DNHD1: variants seen among roughly 807,000 people sequenced by gnomAD.
DNHD1 encodes dynein heavy chain domain 1.
A neutral mutation model predicts 458.1 loss-of-function variants in DNHD1; 383 were observed. The ratio of observed to expected loss-of-function variants is 0.84; its 90% CI spans 0.77 to 0.91. The LOEUF (loss-of-function observed/expected upper bound fraction) is 0.91, where lower values mean the gene tolerates loss of function less well. DNHD1 is among the 40% of genes least tolerant of loss of function. The probability of loss-of-function intolerance (pLI) is 0.00; values close to 1 mark genes in which losing one functional copy is unlikely to be tolerated. For missense variants in DNHD1, 5,336 were observed against 5,866.1 expected (o/e 0.91, Z 2.95); for synonymous variants, 2,203 against 2,376.9 (o/e 0.93, Z 2.13).
chr11:6,522,747 C>A (rs1391059511), intron 10 of DNHD1, among the ~76,000 whole-genome samples: 3 of 152,044 alleles, frequency 2.0e-5, no homozygotes, highest in African/African-American at 7.2e-5. Context: ...ATTTGTATGG[C>A]CTTTTAACTA....
rs145132025 is a variant in DNHD1, at chr11:6,542,593, C to T, written c.3629-1528C>T. ...GTACCAGGCTTTCTTTTCCTGTTAA[C>T]TCCGGGCATGTTAACCAAGGACCAC... On this transcript the variant is annotated intron_variant, in intron 18 of 42. Coordinates refer to ENST00000254579, the MANE Select transcript of DNHD1 (RefSeq NM_144666.3). Among the ~76,000 whole-genome samples the T allele has an allele frequency of 6.9e-3, 1,058 of 152,298 alleles. 5 individuals carry two copies. Among genetic ancestry groups the T allele is most frequent in the Middle Eastern group, 0.01 (3 of 294 alleles).
chr11:6,564,240 C>T (rs1853646665), intron 31 of DNHD1, 93 bp from the exon 32 acceptor site: 11 of 1,448,670 alleles, frequency 7.6e-6, no homozygotes, highest in Non-Finnish European at 9.3e-6. Context: ...GCCGTACTTT[C>T]CTCCACACCC....
rs951134733 is a variant in DNHD1 at position 6,558,660 on chromosome 11, C to G, written c.9178C>G (p.Leu3060Val). The G allele has an allele frequency of 1.3e-6, 2 of 1,551,228 alleles. No individual in the cohort carries two copies. The highest frequency in any genetic ancestry group is 1.7e-6 in the Non-Finnish European group (2 of 1,147,002). The change falls in exon 26 of 43, where the codon CTG becomes GTG. Residue 3060 changes from leucine to valine, a missense_variant. Coordinates refer to ENST00000254579, the MANE Select transcript of DNHD1 (RefSeq NM_144666.3). ...AALAKVAQHH[L>V]EGAQSVPLDD... ...CCTGGCCAAGGTGGCCCAGCATCAC[C>G]TGGAGGGTGCTCAGAGTGTGCCCCT...
At chr11:6,570,170 T>C (rs763855478) in intron 40 of DNHD1, 70 bp downstream of exon 40, 280 of 1,599,668 alleles carry the variant, frequency 1.8e-4, no homozygotes, top group Non-Finnish European at 2.2e-4. Context: ...GGGGGTGGGA[T>C]ACAATTCACA....
In DNHD1 at chr11:6,563,440, T is replaced by C. The variant is rs746738662; in HGVS notation, c.9728T>C (p.Ile3243Thr). Residue 3243 changes from isoleucine (I) to threonine (T), a missense_variant, in exon 30 of 43, where the codon ATA (isoleucine) becomes ACA (threonine). Ile to Thr is a moderately conservative substitution (Grantham distance 89). This residue lies in a region of DNHD1 where 3,932 missense variants were observed against 4,365.6 expected (regional missense o/e 0.90). Coordinates refer to ENST00000254579, the MANE Select transcript of DNHD1 (RefSeq NM_144666.3). ...CTGCAGGTGGCTGACTTTGAGGAGATACGGAGCTATCGAGCACCACCAGAA... is the reference window on the plus strand; with the variant it reads ...CTGCAGGTGGCTGACTTTGAGGAGACACGGAGCTATCGAGCACCACCAGAA... Reference protein sequence around the residue: ...SQLQVADFEEIRSYRAPPESV... With the variant: ...SQLQVADFEETRSYRAPPESV... 2 of 1,551,672 alleles carry C rather than the reference T, an allele frequency of 1.3e-6. No individual in the cohort carries two copies. Among genetic ancestry groups the C allele is most frequent in the South Asian group, 2.4e-5 (2 of 84,058 alleles).
chr11:6,538,902 A>C, intron 16 of DNHD1, 92 bp downstream of exon 16: 1 of 1,274,112 alleles, frequency 7.8e-7, no homozygotes, highest in African/African-American at 1.5e-5. Flanking sequence ...CCTGCTGGAA[A>C]CACCTTTCAT....
Position 6,557,980 on chromosome 11 carries a change from TG to T in DNHD1, c.8688del (p.Arg2897AlafsTer41). 6.4e-7 allele frequency: 1 copy of T among 1,551,660 alleles called. No individual in the cohort carries two copies. Among genetic ancestry groups the T allele is most frequent in the Non-Finnish European group, 8.7e-7 (1 of 1,146,996 alleles). Reference sequence around the variant, plus strand: ...TGCTGCTCTCGGGGGCTCTGGGTACTGGGCGCCACACTGCCATCACTCTGGC... The same window carrying T: ...TGCTGCTCTCGGGGGCTCTGGGTACTGGCGCCACACTGCCATCACTCTGGC... Reference protein sequence around the residue: ...GLLLSGALGTGRHTAITLASS... With the variant: ...GLLLSGALGTXRHTAITLASS... On this transcript the variant is annotated frameshift_variant, in exon 25 of 43. Transcript: ENST00000254579. LOFTEE classifies it high-confidence loss of function.
In DNHD1 at chr11:6,548,287, C is replaced by A; in HGVS notation, c.6983C>A (p.Ala2328Asp). Residue 2328 changes from alanine (A) to aspartate (D), a missense_variant, in exon 23 of 43, where the codon GCC (alanine) becomes GAC (aspartate). By Grantham distance (126) the Ala-to-Asp change is moderately radical. Coordinates refer to ENST00000254579, the MANE Select transcript of DNHD1 (RefSeq NM_144666.3). The surrounding 1 kb of genome is among the most constrained non-coding windows in gnomAD (Gnocchi z 4.4). ...AACTACCCTGAGCCACCACCCTCAGCCTTGGTGTTTGATCTACATGTAAGC... is the reference window on the plus strand; with the variant it reads ...AACTACCCTGAGCCACCACCCTCAGACTTGGTGTTTGATCTACATGTAAGC... ...LSNYPEPPPSALVFDLHVSPE... is the reference protein window; with the variant it reads ...LSNYPEPPPSDLVFDLHVSPE... 1 of 1,551,718 alleles carries A rather than the reference C, an allele frequency of 6.4e-7. No homozygotes were observed. Among genetic ancestry groups the A allele is most frequent in the South Asian group, 1.2e-5 (1 of 84,064 alleles).
Position 6,557,973 on chromosome 11 carries a change from T to C in DNHD1, c.8678T>C (p.Leu2893Pro). The C allele has an allele frequency of 6.4e-7, 1 of 1,551,654 alleles. No individual in the cohort carries two copies. The highest frequency in any genetic ancestry group is 8.7e-7 in the Non-Finnish European group (1 of 1,146,992). ...CATGGCCTGCTGCTCTCGGGGGCTC[T>C]GGGTACTGGGCGCCACACTGCCATC... Reference protein sequence around the residue: ...RQHGLLLSGALGTGRHTAITL... With the variant: ...RQHGLLLSGAPGTGRHTAITL... The change falls in exon 25 of 43, where the codon CTG (leucine) becomes CCG (proline). Residue 2893 changes from leucine to proline, a missense_variant. Leu to Pro is a moderately conservative substitution (Grantham distance 98). This residue lies in a region of DNHD1 where 3,932 missense variants were observed against 4,365.6 expected (regional missense o/e 0.90). Transcript: ENST00000254579.
chr11:6,567,178 A>C lies in DNHD1; in HGVS notation c.11669A>C (p.Asp3890Ala), dbSNP rs375106372. 114 of 1,613,894 alleles carry C rather than the reference A, an allele frequency of 7.1e-5. No individual in the cohort carries two copies. The highest frequency in any genetic ancestry group is 8.9e-5 in the Non-Finnish European group (105 of 1,179,884). ...CTGGCAGTCACTAAGCAGGCTCTGG[A>C]CAGCATGAAGCCACGTGAGATTAAT... Reference protein sequence around the residue: ...NWLAVTKQALDSMKPREINHG... With the variant: ...NWLAVTKQALASMKPREINHG... Residue 3890 changes from aspartate to alanine, a missense_variant, in exon 36 of 43, where the codon GAC becomes GCC. By Grantham distance (126) the Asp-to-Ala change is moderately radical. This residue lies in a region of DNHD1 where 695 missense variants were observed against 804.2 expected (regional missense o/e 0.86). Transcript: ENST00000254579.
chr11:6,568,287 T>C (rs371834082), intron 37 of DNHD1, 45 bp downstream of exon 37: 15 of 1,528,756 alleles, frequency 9.8e-6, no homozygotes, highest in African/African-American at 1.4e-5. Context: ...TATCCTACAC[T>C]TGGGCCTTAG....
Position 6,571,562 on chromosome 11 carries a change from C to T in DNHD1, c.13912-74C>T, listed in dbSNP as rs1053880280. 1.4e-6 allele frequency: 2 copies of T among 1,463,310 alleles called. No individual in the cohort carries two copies. Among genetic ancestry groups the T allele is most frequent in the South Asian group, 2.8e-5 (2 of 71,620 alleles). 90.6% of individuals were successfully genotyped at this position (1,463,310 alleles called of 1,614,324 possible). On this transcript the variant is annotated intron_variant, in intron 42 of 42. Coordinates refer to ENST00000254579, the MANE Select transcript of DNHD1 (RefSeq NM_144666.3). This position sits in a 1 kb window ranked among gnomAD's most constrained non-coding sequence, Gnocchi z 5.0. The stretch of plus-strand genomic sequence containing the variant: ...GATCTCGCTTCACCACGACCTCCTA[C>T]CCGCTAACCCCCACTTCCCACCTGC...
Position 6,540,025 on chromosome 11 carries a change from G to A in DNHD1, c.3570G>A (p.Val1190=), listed in dbSNP as rs1247471264. 2.4e-5 allele frequency: 37 copies of A among 1,551,578 alleles called. No homozygotes were observed. In the East Asian group the frequency reaches 8.8e-4, roughly 37 times the overall value. The stretch of plus-strand genomic sequence containing the variant: ...CCTCAGAGCGCTCCAAGAGGCAGGT[G>A]CTCCGCAGCCCCCAATGGGAGGTAG... ...PPASERSKRQ[V]LRSPQWEVVD... is the part of the protein sequence containing the mutation. Residue 1190 remains valine, a synonymous_variant, in exon 18 of 43, where the codon GTG becomes GTA. Coordinates refer to ENST00000254579, the MANE Select transcript of DNHD1 (RefSeq NM_144666.3).
intron 28 of DNHD1, among the ~76,000 whole-genome samples, chr11:6,562,620 T>G (rs1187209846): frequency 6.6e-6 from 1 of 152,048 alleles, no homozygotes; most frequent in Non-Finnish European, 1.5e-5. Context: ...GAGAACACAG[T>G]ATCATGAAGG....
Position 6,548,368 on chromosome 11 carries a change from A to G in DNHD1, c.7064A>G (p.Lys2355Arg). 3.2e-6 allele frequency: 5 copies of G among 1,551,694 alleles called. No individual in the cohort carries two copies. Among genetic ancestry groups the G allele is most frequent in the Non-Finnish European group, 3.5e-6 (4 of 1,146,988 alleles). ...FTGQYLSSHI[K>R]GTLGTFHPSI... is the part of the protein sequence containing the mutation. ...GGCCAATACCTGAGCAGCCACATCA[A>G]AGGAACTTTGGGCACCTTTCACCCT... Residue 2355 changes from lysine to arginine, a missense_variant, in exon 23 of 43, where the codon AAA becomes AGA. By Grantham distance (26) the Lys-to-Arg change is conservative (BLOSUM62 2). This residue lies in a region of DNHD1 where 3,932 missense variants were observed against 4,365.6 expected (regional missense o/e 0.90). Transcript: ENST00000254579. This position sits in a 1 kb window ranked among gnomAD's most constrained non-coding sequence, Gnocchi z 4.4.
chr11:6,557,174 T>C lies in DNHD1; in HGVS notation c.7879T>C (p.Ser2627Pro). 6.4e-7 allele frequency: 1 copy of C among 1,551,704 alleles called. No individual in the cohort carries two copies. The highest frequency in any genetic ancestry group is 1.4e-5 in the African/African-American group (1 of 73,150). The change falls in exon 25 of 43, where the codon TCA (serine) becomes CCA (proline). Residue 2627 changes from serine (S) to proline (P), a missense_variant. By Grantham distance (74) the Ser-to-Pro change is moderately conservative. Transcript: ENST00000254579. ...PNHQEHLRRV[S>P]GLRGTCLTVM... ...CCACCAGGAGCACTTGCGCCGGGTG[T>C]CAGGCCTGCGAGGCACTTGTCTGAC... is the stretch of plus-strand genomic sequence containing the variant.
chr11:6,550,537 C>A (rs766025208), intron 24 of DNHD1, among the ~76,000 whole-genome samples: 39 of 152,022 alleles, frequency 2.6e-4, no homozygotes, highest in Non-Finnish European at 4.6e-4. Flanking sequence ...CCAACAAAAA[C>A]CCCCAGAAAA....
At chr11:6,523,479 C>T (rs766497539) in intron 10 of DNHD1, among the ~76,000 whole-genome samples, 1 of 152,020 alleles carries the variant, frequency 6.6e-6, no homozygotes, top group Non-Finnish European at 1.5e-5. Context: ...TAACAAGAAG[C>T]TTTGCTCTGT....
At chr11:6,566,173 C>G (rs952697671) in intron 33 of DNHD1, 68 bp from the exon 34 acceptor site, 5 of 1,528,600 alleles carry the variant, frequency 3.3e-6, no homozygotes, top group Middle Eastern at 1.9e-4. Context: ...AGCCAGACCT[C>G]GTGCCTGGGG....
Sources: allele counts gnomAD v4.1 joint callset (sites outside exome capture counted in the v4.1 genomes callset), GRCh38; gene constraint gnomAD v4.1.1; regional missense constraint gnomAD v4.1.1; non-coding constraint Gnocchi (gnomAD v3.1); transcripts MANE v1.5; gene names NCBI Gene and HGNC (gene_info 2026-07-23, HGNC 2026-07-21).